Variants in OR1J2 observed in about 807,000 individuals in gnomAD.
OR1J2 encodes the protein olfactory receptor family 1 subfamily J member 2, also known as olfactory receptor 1J2.
For synonymous variants in OR1J2, 142 were observed against 99.7 expected (o/e 1.42, Z -2.52); for missense variants, 304 against 246.1 (o/e 1.24, Z -1.57).
the OR1J2 span, among the ~76,000 whole-genome samples, chr9:122,472,464 T>C: frequency 6.6e-6 from 1 of 152,216 alleles, no homozygotes; most frequent in African/African-American, 2.4e-5. Context: ...GTAGAAACCT[T>C]ATACTTGCCG....
chr9:122,570,707 A>G, the OR1J2 span, among the ~76,000 whole-genome samples: 1 of 152,202 alleles, frequency 6.6e-6, no homozygotes, highest in Non-Finnish European at 1.5e-5. Context: ...ACATGCTTAA[A>G]ATATCATATC....
At chr9:122,569,605 C>T in the OR1J2 span, among the ~76,000 whole-genome samples, 1 of 81,466 alleles carries the variant, frequency 1.2e-5, no homozygotes, top group African/African-American at 4.9e-5. Context: ...TTTTGGCTAC[C>T]ATAAAATCTC....
chr9:122,482,767 C>T, the OR1J2 span, among the ~76,000 whole-genome samples: 3 of 152,106 alleles, frequency 2.0e-5, no homozygotes, highest in Non-Finnish European at 4.4e-5. Context: ...CACAGAAAAA[C>T]AACTACTGCA....
At chr9:122,493,751 G>C in the OR1J2 span, among the ~76,000 whole-genome samples, 1 of 151,946 alleles carries the variant, frequency 6.6e-6, no homozygotes, top group South Asian at 2.1e-4. Context: ...GGTTTGGATT[G>C]TTCTTGTTTC....
chr9:122,466,435 C>T, the OR1J2 span, among the ~76,000 whole-genome samples: 2 of 152,178 alleles, frequency 1.3e-5, no homozygotes, highest in African/African-American at 4.8e-5. Context: ...TGCAAATGGC[C>T]TTTCTCAAGA....
At chr9:122,486,529 T>C in the OR1J2 span, among the ~76,000 whole-genome samples, 1 of 152,220 alleles carries the variant, frequency 6.6e-6, no homozygotes, top group South Asian at 2.1e-4. Context: ...GTTTCAAGAT[T>C]TGTGCCATGA....
At chr9:122,476,944 G>T in the OR1J2 span, 1 of 1,092,864 alleles carries the variant, frequency 9.2e-7, no homozygotes, top group Non-Finnish European at 1.4e-6. Context: ...CTGATCTCAG[G>T]TGATCCGTCT....
downstream of OR1J2, among the ~76,000 whole-genome samples, chr9:122,513,042 A>G (rs1191500862): frequency 6.6e-6 from 1 of 152,218 alleles, no homozygotes; most frequent in Non-Finnish European, 1.5e-5. Flanking sequence ...TCTTGGCAGA[A>G]TATTGAACAA....
the OR1J2 span, among the ~76,000 whole-genome samples, chr9:122,450,231 G>C: frequency 6.6e-6 from 1 of 152,120 alleles, no homozygotes; most frequent in Non-Finnish European, 1.5e-5. Flanking sequence ...AGGAGTTTGA[G>C]ACCAGCCTAG....
At chr9:122,492,146 C>T in the OR1J2 span, among the ~76,000 whole-genome samples, 2 of 151,878 alleles carry the variant, frequency 1.3e-5, no homozygotes, top group African/African-American at 2.4e-5. Context: ...CAACTGTTGC[C>T]TCCTCCCTCC....
At chr9:122,565,137 G>A in the OR1J2 span, among the ~76,000 whole-genome samples, 1 of 152,180 alleles carries the variant, frequency 6.6e-6, no homozygotes, top group Non-Finnish European at 1.5e-5. Context: ...ACACCCAAGA[G>A]AGAGGCACTA....
chr9:122,460,206 CAT>C, the OR1J2 span, among the ~76,000 whole-genome samples: 1 of 112,130 alleles, frequency 8.9e-6, no homozygotes, highest in Non-Finnish European at 1.9e-5. Context: ...CACACACACA[CAT>C]ATATACATAT....
At chr9:122,477,860 G>A in the OR1J2 span, 1 of 1,613,816 alleles carries the variant, frequency 6.2e-7, no homozygotes, top group Non-Finnish European at 8.5e-7. Context: ...ACGGCCTGCT[G>A]CTCTGGCCGG....
the OR1J2 span, among the ~76,000 whole-genome samples, chr9:122,461,655 C>T: frequency 1.3e-5 from 2 of 152,176 alleles, no homozygotes; most frequent in Admixed American, 6.5e-5. Flanking sequence ...TAAATTTCCA[C>T]CTTGATTTCA....
chr9:122,553,861 T>C, the OR1J2 span: 1 of 1,614,136 alleles, frequency 6.2e-7, no homozygotes, highest in Non-Finnish European at 8.5e-7. Flanking sequence ...CTCCTGCTGA[T>C]CGTCTTCTCC....
the OR1J2 span, among the ~76,000 whole-genome samples, chr9:122,465,117 T>A: frequency 6.6e-6 from 1 of 151,990 alleles, no homozygotes; most frequent in South Asian, 2.1e-4. Flanking sequence ...GATGTCAGTA[T>A]CCGAAGAAAA....
At chr9:122,499,120 C>T in the OR1J2 span, among the ~76,000 whole-genome samples, 1 of 152,228 alleles carries the variant, frequency 6.6e-6, no homozygotes, top group African/African-American at 2.4e-5. Context: ...CTGCCCAGGC[C>T]TGTGGGTTGA....
At chr9:122,538,803 T>C in the OR1J2 span, among the ~76,000 whole-genome samples, 1 of 152,276 alleles carries the variant, frequency 6.6e-6, no homozygotes, top group South Asian at 2.1e-4. Flanking sequence ...ATACCACATA[T>C]TCTCACTTAT....
the OR1J2 span, among the ~76,000 whole-genome samples, chr9:122,552,075 T>TGTCACA: frequency 1.4e-5 from 2 of 141,276 alleles, no homozygotes; most frequent in South Asian, 2.4e-4. Context: ...TCTCTCTCTC[T>TGTCACA]CTCTCACACA....
Sources: allele counts gnomAD v4.1 joint callset (sites outside exome capture counted in the v4.1 genomes callset), GRCh38; gene constraint gnomAD v4.1.1; transcripts MANE v1.5; gene names NCBI Gene and HGNC (gene_info 2026-07-23, HGNC 2026-07-21).